SHISA9: variants seen among roughly 807,000 people sequenced by gnomAD.
The protein encoded by SHISA9 is protein shisa-9.
Under a neutral mutation model 38.0 loss-of-function variants are expected in SHISA9, and 13 were observed. The ratio of observed to expected loss-of-function variants is 0.34; its 90% CI spans 0.22 to 0.54. The LOEUF is 0.54. SHISA9 is among the 20% of genes least tolerant of loss of function. SHISA9 has a pLI of 0.91. For synonymous variants in SHISA9, 275 were observed against 242.0 expected, an observed-to-expected ratio of 1.14 and a Z score of -1.27; for missense variants, 538 against 575.8, an observed-to-expected ratio of 0.93 and a Z score of 0.67.
chr16:13,465,355 G>T, the SHISA9 span, among the ~76,000 whole-genome samples: 8 of 152,156 alleles, frequency 5.3e-5, no homozygotes. Flanking sequence ...AGTTGAACGT[G>T]GGGCAGGTTC....
chr16:13,362,422 T>C, the SHISA9 span, among the ~76,000 whole-genome samples: 1 of 152,048 alleles, frequency 6.6e-6, no homozygotes, highest in East Asian at 1.9e-4. Context: ...AGGGAGACCC[T>C]GTCTCAGACC....
chr16:13,314,184 A>G, the SHISA9 span, among the ~76,000 whole-genome samples: 1 of 150,484 alleles, frequency 6.6e-6, no homozygotes, highest in African/African-American at 2.4e-5. Flanking sequence ...GCAACTCCTT[A>G]TTCTTTCATT....
the SHISA9 span, among the ~76,000 whole-genome samples, chr16:13,408,662 G>C: frequency 6.6e-6 from 1 of 152,172 alleles, no homozygotes; most frequent in East Asian, 1.9e-4. Context: ...TCATATATGA[G>C]TTGTATACTT....
chr16:13,127,666 C>G (rs2050273476), intron 2 of SHISA9, among the ~76,000 whole-genome samples: 1 of 152,170 alleles, frequency 6.6e-6, no homozygotes, highest in Non-Finnish European at 1.5e-5. Flanking sequence ...TAAACATGCA[C>G]TGGGCTCCAG....
the SHISA9 span, among the ~76,000 whole-genome samples, chr16:13,312,622 A>G: frequency 2.0e-5 from 3 of 152,238 alleles, no homozygotes; most frequent in Non-Finnish European, 4.4e-5. Flanking sequence ...ACAGACAAGG[A>G]AAATCAAATA....
At chr16:13,435,910 A>T in the SHISA9 span, among the ~76,000 whole-genome samples, 1 of 152,172 alleles carries the variant, frequency 6.6e-6, no homozygotes, top group East Asian at 1.9e-4. Context: ...AGTGAGCTGT[A>T]TGGCTCTTCA....
At chr16:13,253,587 A>G in the SHISA9 span, among the ~76,000 whole-genome samples, 1 of 152,210 alleles carries the variant, frequency 6.6e-6, no homozygotes, top group African/African-American at 2.4e-5. Flanking sequence ...GGGAACTCCC[A>G]TTTATAAAAC....
rs114706151 is a variant in SHISA9 at position 13,026,738 on chromosome 16, G to A, written c.691+109923G>A. Among the ~76,000 whole-genome samples the A allele has an allele frequency of 6.8e-3, 1,040 of 152,304 alleles. 10 individuals carry two copies. Among genetic ancestry groups the A allele is most frequent in the African/African-American group, 0.024 (993 of 41,546 alleles). ...CTACTTTTCCTACCTGTAAATGTGAGTAGTGATGGGAATCTTCTCATAGCA... is the reference window on the plus strand; with the variant it reads ...CTACTTTTCCTACCTGTAAATGTGAATAGTGATGGGAATCTTCTCATAGCA... On this transcript the variant is annotated intron_variant, in intron 2 of 4. Coordinates refer to ENST00000558583, the MANE Select transcript of SHISA9 (RefSeq NM_001145204.3).
At chr16:13,084,944 G>T (rs2073694163) in intron 2 of SHISA9, among the ~76,000 whole-genome samples, 1 of 152,196 alleles carries the variant, frequency 6.6e-6, no homozygotes, top group Non-Finnish European at 1.5e-5. Context: ...AGGGTGGCTG[G>T]AGATCATGGT....
the SHISA9 span, among the ~76,000 whole-genome samples, chr16:13,325,972 A>C: frequency 6.6e-6 from 1 of 151,064 alleles, no homozygotes; most frequent in Non-Finnish European, 1.5e-5. Context: ...AACCTAGATG[A>C]CGGGTCGATG....
the SHISA9 span, among the ~76,000 whole-genome samples, chr16:13,429,139 T>C: frequency 7.2e-5 from 11 of 152,176 alleles, no homozygotes; most frequent in African/African-American, 2.2e-4. Flanking sequence ...GCGATGGCAC[T>C]GAAGGTTGAT....
intron 2 of SHISA9, among the ~76,000 whole-genome samples, chr16:13,021,546 C>T (rs577926575): frequency 6.6e-6 from 1 of 152,160 alleles, no homozygotes; most frequent in Non-Finnish European, 1.5e-5. Flanking sequence ...ACCCATGTAC[C>T]TGACTCAGAA....
At chr16:13,361,858 A>T in the SHISA9 span, among the ~76,000 whole-genome samples, 3 of 152,334 alleles carry the variant, frequency 2.0e-5, 1 homozygote, top group South Asian at 6.2e-4. Flanking sequence ...GCCTTCATAT[A>T]ACTAATTATT....
At chr16:13,164,106 G>T (rs2050616865) in intron 2 of SHISA9, among the ~76,000 whole-genome samples, 1 of 152,006 alleles carries the variant, frequency 6.6e-6, no homozygotes, top group Admixed American at 6.6e-5. Flanking sequence ...TAAGTATGGT[G>T]TTATCTATAA....
rs932795605 is a variant in SHISA9 at position 13,143,391 on chromosome 16, C to T, written c.692-60003C>T. 3.9e-5 allele frequency among the ~76,000 whole-genome samples: 6 copies of T among 152,254 alleles called. No individual in the cohort carries two copies. In the Middle Eastern group the frequency reaches 0.01, roughly 259 times the overall value. ...GGTGTACCAAGGATGAATATATCCCCGTACCTATCCTTCTGGAATTCAGAG... is the reference window on the plus strand; with the variant it reads ...GGTGTACCAAGGATGAATATATCCCTGTACCTATCCTTCTGGAATTCAGAG... On this transcript the variant is annotated intron_variant, in intron 2 of 4. Transcript: ENST00000558583.
Position 13,232,345 on chromosome 16 carries a change from TAAGAA to T in SHISA9, c.896-2678_896-2674del, listed in dbSNP as rs575080361. 1.4e-3 allele frequency among the ~76,000 whole-genome samples: 216 copies of T among 151,954 alleles called. 1 individual carries two copies. Among genetic ancestry groups the T allele is most frequent in the African/African-American group, 4.6e-3 (190 of 41,430 alleles). On this transcript the variant is annotated intron_variant, in intron 4 of 4. Transcript: ENST00000558583. The stretch of plus-strand genomic sequence containing the variant: ...ATAAAATTGTCAAATGAAAAACAAA[TAAGAA>T]AAGAAAGTGTCAGCAAACCACCATG...
At chr16:13,488,247 C>CAA in the SHISA9 span, among the ~76,000 whole-genome samples, 734 of 118,952 alleles carry the variant, frequency 6.2e-3, 3 homozygotes, top group African/African-American at 0.016. Flanking sequence ...CCTCAAAATG[C>CAA]AAAAAAAAAA....
At chr16:12,925,610 T>G (rs1461680800) in intron 2 of SHISA9, among the ~76,000 whole-genome samples, 1 of 152,234 alleles carries the variant, frequency 6.6e-6, no homozygotes, top group Non-Finnish European at 1.5e-5. Flanking sequence ...CTTTCCCAAG[T>G]GCTTCCAACC....
intron 2 of SHISA9, among the ~76,000 whole-genome samples, chr16:13,121,146 G>T (rs2050206409): frequency 6.6e-6 from 1 of 151,746 alleles, no homozygotes; most frequent in South Asian, 2.1e-4. Context: ...GGCCACAGGG[G>T]GAGACCCCCT....
Sources: allele counts gnomAD v4.1 joint callset (sites outside exome capture counted in the v4.1 genomes callset), GRCh38; gene constraint gnomAD v4.1.1; transcripts MANE v1.5; gene names NCBI Gene and HGNC (gene_info 2026-07-23, HGNC 2026-07-21).